Variants in CORO2B observed in about 807,000 individuals in gnomAD.
CORO2B encodes coronin-2B.
CORO2B carries 26 observed loss-of-function variants against 58.8 expected under a neutral mutation model. The observed-to-expected ratio is 0.44, with a 90% confidence interval of 0.32 to 0.61. The LOEUF (loss-of-function observed/expected upper bound fraction) is 0.61, where lower values mean the gene tolerates loss of function less well. Among genes scored for constraint, CORO2B ranks in the 20% least tolerant of loss-of-function variants. CORO2B has a pLI of 0.04. For synonymous variants in CORO2B, 242 were observed against 253.8 expected, an observed-to-expected ratio of 0.95 and a Z score of 0.44; for missense variants, 460 against 645.1, an observed-to-expected ratio of 0.71 and a Z score of 3.11.
chr15:68,646,766 G>A (rs1412679606), intron 2 of CORO2B, among the ~76,000 whole-genome samples: 2 of 152,208 alleles, frequency 1.3e-5, no homozygotes, highest in African/African-American at 2.4e-5. Context: ...GAAGCTCCTA[G>A]TGAACCACAC....
chr15:68,570,779 ACCCAGG>A, the CORO2B span, among the ~76,000 whole-genome samples: 9 of 137,708 alleles, frequency 6.5e-5, no homozygotes, highest in Non-Finnish European at 1.4e-4. Context: ...CCGAGGATGG[ACCCAGG>A]CCCACTACAC....
chr15:68,630,576 A>C (rs1900801690), intron 1 of CORO2B, among the ~76,000 whole-genome samples: 1 of 151,762 alleles, frequency 6.6e-6, no homozygotes, highest in Non-Finnish European at 1.5e-5. Context: ...TCAGAGATCT[A>C]CTACCCTGTT....
intron 8 of CORO2B, among the ~76,000 whole-genome samples, chr15:68,718,446 A>G (rs1893082133): frequency 1.3e-5 from 2 of 152,098 alleles, no homozygotes; most frequent in Admixed American, 6.5e-5. Flanking sequence ...AGTTTCTTCC[A>G]ATTCTAAAGG....
At chr15:68,550,471 C>T in the CORO2B span, among the ~76,000 whole-genome samples, 3 of 152,172 alleles carry the variant, frequency 2.0e-5, no homozygotes, top group Admixed American at 2.0e-4. Flanking sequence ...GTTGTTTAAC[C>T]TCTCTCAAGC....
At chr15:68,559,714 G>C in the CORO2B span, 1 of 860,236 alleles carries the variant, frequency 1.2e-6, no homozygotes, top group Non-Finnish European at 1.4e-6. The surrounding 1 kb of genome is among the most constrained non-coding windows in gnomAD (Gnocchi z 4.3). Flanking sequence ...GTTCTCCCAG[G>C]GGGACTGTCG....
intron 1 of CORO2B, among the ~76,000 whole-genome samples, chr15:68,588,273 A>C (rs1173646438): frequency 6.6e-6 from 1 of 152,146 alleles, no homozygotes; most frequent in Admixed American, 6.5e-5. Context: ...GGAAGAGAAA[A>C]GTTCATCTCT....
the CORO2B span, among the ~76,000 whole-genome samples, chr15:68,535,412 G>A: frequency 1.3e-5 from 2 of 152,202 alleles, no homozygotes; most frequent in African/African-American, 4.8e-5. Flanking sequence ...GAATATTGAT[G>A]ATAACTAATT....
At chr15:68,704,581 T>C (rs911209678) in intron 3 of CORO2B, among the ~76,000 whole-genome samples, 9 of 152,100 alleles carry the variant, frequency 5.9e-5, no homozygotes, top group Non-Finnish European at 1.2e-4. Flanking sequence ...CAGGGACAGT[T>C]GGTTTTGTAG....
rs1749315938 is a variant in CORO2B at position 68,648,423 on chromosome 15, G to A, written c.216+3063G>A. ...GCACTTTGGGAGGCAGAGGCGGGTG[G>A]ATCACAAGGTCAGGAGATCAAGACC... On this transcript the variant is annotated intron_variant, in intron 2 of 11. Transcript: ENST00000261861. Among the ~76,000 whole-genome samples the A allele has an allele frequency of 2.0e-5, 3 of 151,988 alleles. No individual in the cohort carries two copies. The South Asian group carries it at 6.2e-4, about 32-fold the overall frequency.
intron 3 of CORO2B, among the ~76,000 whole-genome samples, chr15:68,709,104 T>G (rs1433280844): frequency 6.6e-6 from 1 of 152,244 alleles, no homozygotes; most frequent in Non-Finnish European, 1.5e-5. Flanking sequence ...CTTACACTGC[T>G]TCTACATTTT....
chr15:68,682,998 T>G (rs1902839046), intron 2 of CORO2B, among the ~76,000 whole-genome samples: 1 of 151,496 alleles, frequency 6.6e-6, no homozygotes, highest in Admixed American at 6.6e-5. Context: ...GAAGGAGGGG[T>G]TTTTATAATT....
At chr15:68,650,192 A>G (rs1377754548) in intron 2 of CORO2B, among the ~76,000 whole-genome samples, 1 of 152,028 alleles carries the variant, frequency 6.6e-6, no homozygotes, top group East Asian at 1.9e-4. Context: ...AACATGGAGA[A>G]ACCCCGTCTC....
At chr15:68,533,314 T>C in the CORO2B span, among the ~76,000 whole-genome samples, 3 of 152,212 alleles carry the variant, frequency 2.0e-5, no homozygotes, top group Non-Finnish European at 4.4e-5. Flanking sequence ...TGTTGCTGTA[T>C]TATAACCAGA....
rs537345018 is a variant in CORO2B at position 68,681,671 on chromosome 15, G to C, written c.217-13469G>C. On this transcript the variant is annotated intron_variant, in intron 2 of 11. Coordinates refer to ENST00000261861, the MANE Select transcript of CORO2B (RefSeq NM_006091.5). ...AGTTGGGGGTGGGAACAGGGTGTGC[G>C]TGCCCCTCGAGGGCCAGGCAGGTAA... Among the ~76,000 whole-genome samples the C allele has an allele frequency of 1.2e-3, 182 of 152,166 alleles. 1 individual carries two copies. The highest frequency in any genetic ancestry group is 1.8e-3 in the Non-Finnish European group (122 of 68,004).
intron 1 of CORO2B, among the ~76,000 whole-genome samples, chr15:68,596,083 G>A (rs1899823455): frequency 6.6e-6 from 1 of 152,006 alleles, no homozygotes; most frequent in African/African-American, 2.4e-5. Flanking sequence ...AGTTGTGCAG[G>A]AGTGCTGTTC....
chr15:68,705,436 CAA>C (rs35973911), intron 3 of CORO2B, among the ~76,000 whole-genome samples: 3,813 of 112,804 alleles, frequency 0.034, 199 homozygotes, highest in African/African-American at 0.13. Context: ...AACTCTATCT[CAA>C]AAAAAAAAAA....
At chr15:68,699,405 G>A (rs1166219390) in intron 3 of CORO2B, among the ~76,000 whole-genome samples, 3 of 152,096 alleles carry the variant, frequency 2.0e-5, no homozygotes, top group African/African-American at 4.8e-5. Context: ...GAGGACATGG[G>A]GCCTGAACTA....
intron 1 of CORO2B, chr15:68,631,878 C>T: frequency 2.2e-6 from 2 of 920,180 alleles, no homozygotes; most frequent in Non-Finnish European, 2.6e-6. Flanking sequence ...AGGAGGTGCT[C>T]CTCGCAGTCA....
In CORO2B at chr15:68,579,148, C is replaced by A. The variant is rs1307474662; in HGVS notation, c.-115C>A. 1.0e-6 allele frequency: 1 copy of A among 981,106 alleles called. No individual in the cohort carries two copies. Among genetic ancestry groups the A allele is most frequent in the African/African-American group, 1.8e-5 (1 of 56,686 alleles). 60.8% of individuals were successfully genotyped at this position (981,106 alleles called of 1,614,324 possible). On this transcript the variant is annotated 5_prime_UTR_variant, in exon 1 of 12. Transcript: ENST00000261861. ...CCCCCAGGCTCGGCCGAGCCGCCGG[C>A]GGGGCGCGGGGAGCGAGCCGGGAGC...
Sources: allele counts gnomAD v4.1 joint callset (sites outside exome capture counted in the v4.1 genomes callset), GRCh38; gene constraint gnomAD v4.1.1; non-coding constraint Gnocchi (gnomAD v3.1); transcripts MANE v1.5; gene names NCBI Gene and HGNC (gene_info 2026-07-23, HGNC 2026-07-21).